ADGRB3: variants seen among roughly 807,000 people sequenced by gnomAD.
ADGRB3 encodes the protein adhesion G protein-coupled receptor B3, also known as brain-specific angiogenesis inhibitor 3.
In ADGRB3, 37 loss-of-function variants were observed where a neutral mutation model predicts 193.4. The observed-to-expected ratio is 0.19, with a 90% CI of 0.15 to 0.25. The LOEUF (loss-of-function observed/expected upper bound fraction) is 0.25, where lower values mean the gene tolerates loss of function less well. Ranked by LOEUF, ADGRB3 falls within the 10% of genes least tolerant of loss-of-function variation. The probability of loss-of-function intolerance (pLI) is 1.00; values close to 1 mark genes in which losing one functional copy is unlikely to be tolerated. For synonymous variants in ADGRB3, 690 were observed against 644.2 expected (o/e 1.07, Z -1.08); for missense variants, 1,637 against 1,852.9 (o/e 0.88, Z 2.14).
At chr6:69,047,756 G>T (rs1272989456) in intron 13 of ADGRB3, among the ~76,000 whole-genome samples, 4 of 152,060 alleles carry the variant, frequency 2.6e-5, no homozygotes, top group Non-Finnish European at 5.9e-5. Flanking sequence ...ATGTTCAAAT[G>T]AAAATGCAGA....
At chr6:68,658,806 C>A (rs1277207292) in intron 3 of ADGRB3, among the ~76,000 whole-genome samples, 1 of 151,026 alleles carries the variant, frequency 6.6e-6, no homozygotes, top group Non-Finnish European at 1.5e-5. Context: ...ACCATATTAA[C>A]ACAACGAGCT....
At chr6:68,897,072 G>T (rs901641846) in intron 3 of ADGRB3, among the ~76,000 whole-genome samples, 3 of 152,098 alleles carry the variant, frequency 2.0e-5, no homozygotes, top group Non-Finnish European at 4.4e-5. Flanking sequence ...CCAAACAACT[G>T]ATCCAAATCG....
intron 3 of ADGRB3, among the ~76,000 whole-genome samples, chr6:68,921,039 C>T (rs1767029521): frequency 6.6e-6 from 1 of 151,742 alleles, no homozygotes; most frequent in Non-Finnish European, 1.5e-5. Flanking sequence ...ATTAGGATAT[C>T]TCGAGAAAAA....
intron 3 of ADGRB3, among the ~76,000 whole-genome samples, chr6:68,727,692 G>A (rs945160931): frequency 6.6e-6 from 1 of 151,268 alleles, no homozygotes; most frequent in Non-Finnish European, 1.5e-5. Context: ...AATATTAAAG[G>A]GCTTTTAAGA....
At chr6:69,119,042 A>G (rs1179595172) in intron 17 of ADGRB3, among the ~76,000 whole-genome samples, 1 of 152,226 alleles carries the variant, frequency 6.6e-6, no homozygotes, top group Admixed American at 6.5e-5. Flanking sequence ...GCTTTACATT[A>G]CAGATTTCTC....
intron 17 of ADGRB3, among the ~76,000 whole-genome samples, chr6:69,179,809 G>A (rs1365404699): frequency 6.6e-6 from 1 of 152,146 alleles, no homozygotes; most frequent in Non-Finnish European, 1.5e-5. Context: ...TGACTTACAA[G>A]CCAGTAGGTG....
chr6:68,807,382 G>T (rs1391857279), intron 3 of ADGRB3, among the ~76,000 whole-genome samples: 1 of 151,690 alleles, frequency 6.6e-6, no homozygotes, highest in Non-Finnish European at 1.5e-5. Context: ...GGGACTACAG[G>T]CGCCCCCCAC....
In ADGRB3 at chr6:68,981,316, T is replaced by G. The variant is rs961254083; in HGVS notation, c.1734+5976T>G. ...TTATGGAGTTTTTAACATGTGGTCT[T>G]GAATAAAATTATGTGTTCACTGTGT... On this transcript the variant is annotated intron_variant, in intron 10 of 31. Coordinates refer to ENST00000370598, the MANE Select transcript of ADGRB3 (RefSeq NM_001704.3). Among the ~76,000 whole-genome samples, 10 of 151,722 alleles carry G rather than the reference T, an allele frequency of 6.6e-5. 1 individual carries two copies. Among genetic ancestry groups the G allele is most frequent in the Admixed American group, 3.3e-4 (5 of 15,192 alleles).
At chr6:68,676,002 C>T (rs1769077274) in intron 3 of ADGRB3, among the ~76,000 whole-genome samples, 1 of 152,110 alleles carries the variant, frequency 6.6e-6, no homozygotes, top group African/African-American at 2.4e-5. Flanking sequence ...ACTTACAATA[C>T]TATTTGCTTT....
intron 3 of ADGRB3, among the ~76,000 whole-genome samples, chr6:68,681,400 C>G (rs1422165886): frequency 6.6e-6 from 1 of 152,100 alleles, no homozygotes. Flanking sequence ...CCACCTCAGC[C>G]CCCCATGCAG....
In ADGRB3 at chr6:69,337,284, ATATAAC is replaced by A. The variant is rs549982774; in HGVS notation, c.3189-1629_3189-1624del. ...TATCTTCTGTGATAAAGGAAACAAT[ATATAAC>A]TAATCCATGCCTTTTTCATATTAAT... is the stretch of plus-strand genomic sequence containing the variant. On this transcript the variant is annotated intron_variant, in intron 24 of 31. Transcript: ENST00000370598. Among the ~76,000 whole-genome samples, 5 of 152,350 alleles carry A rather than the reference ATATAAC, an allele frequency of 3.3e-5. No homozygotes were observed. The East Asian group carries it at 7.7e-4, about 23-fold the overall frequency.
intron 3 of ADGRB3, among the ~76,000 whole-genome samples, chr6:68,672,370 T>G (rs1316073073): frequency 6.6e-6 from 1 of 151,988 alleles, no homozygotes; most frequent in Non-Finnish European, 1.5e-5. Flanking sequence ...TTATTTGATG[T>G]TTTTCTTCTT....
At chr6:69,262,517 T>A (rs1766952294) in intron 20 of ADGRB3, among the ~76,000 whole-genome samples, 1 of 151,992 alleles carries the variant, frequency 6.6e-6, no homozygotes, top group South Asian at 2.1e-4. Flanking sequence ...TCCTATGTTT[T>A]CAAAAACCTA....
chr6:69,040,536 G>A (rs1435157141), intron 13 of ADGRB3, among the ~76,000 whole-genome samples: 1 of 151,334 alleles, frequency 6.6e-6, no homozygotes, highest in Non-Finnish European at 1.5e-5. Flanking sequence ...ATTAAATGCT[G>A]AGAAAGTAGG....
intron 20 of ADGRB3, among the ~76,000 whole-genome samples, chr6:69,244,471 C>T (rs1033714136): frequency 2.6e-5 from 4 of 152,088 alleles, no homozygotes; most frequent in African/African-American, 9.7e-5. Context: ...CCAATAGTCC[C>T]AGCTTCTGCA....
rs1440155061 is a variant in ADGRB3 at position 69,235,147 on chromosome 6, A to G, written c.2711+12A>G. On this transcript the variant is annotated intron_variant, in intron 19 of 31. Coordinates refer to ENST00000370598, the MANE Select transcript of ADGRB3 (RefSeq NM_001704.3). ...GCAGCATTATGGAGGTAAGTAATCA[A>G]TTGATAGACCTGAAATGCAATGCTT... 3.9e-6 allele frequency: 6 copies of G among 1,554,844 alleles called. No individual in the cohort carries two copies. The highest frequency in any genetic ancestry group is 1.1e-5 in the South Asian group (1 of 88,624).
chr6:68,924,898 G>A (rs917872034), intron 3 of ADGRB3, among the ~76,000 whole-genome samples: 9 of 151,692 alleles, frequency 5.9e-5, no homozygotes, highest in Non-Finnish European at 1.2e-4. Flanking sequence ...CTTATTTTAT[G>A]TAAATATATC....
chr6:69,096,746 G>T (rs1772889712), intron 17 of ADGRB3, among the ~76,000 whole-genome samples: 1 of 152,116 alleles, frequency 6.6e-6, no homozygotes, highest in Admixed American at 6.5e-5. Flanking sequence ...AAATATGGTA[G>T]GTCTCAGCTT....
At chr6:69,376,082 CTTTTTTTTTT>C (rs58780409) in intron 30 of ADGRB3, among the ~76,000 whole-genome samples, 7 of 67,370 alleles carry the variant, frequency 1.0e-4, no homozygotes, top group East Asian at 1.2e-3. Flanking sequence ...ATTATGTAGC[CTTTTTTTTTT>C]TTTTTTTTTT....
Sources: allele counts gnomAD v4.1 joint callset (sites outside exome capture counted in the v4.1 genomes callset), GRCh38; gene constraint gnomAD v4.1.1; transcripts MANE v1.5; gene names NCBI Gene and HGNC (gene_info 2026-07-23, HGNC 2026-07-21).